The following SSBP3 variants were observed in gnomAD, a reference collection of about 807,000 sequenced individuals.
SSBP3 encodes the protein single-stranded DNA-binding protein 3.
Under a neutral mutation model 69.6 loss-of-function variants are expected in SSBP3, and 5 were observed. The observed-to-expected ratio is 0.07, with a 90% CI of 0.04 to 0.15. The LOEUF is 0.15. Among genes scored for constraint, SSBP3 ranks in the 10% least tolerant of loss-of-function variants. The pLI is 1.00. For synonymous variants in SSBP3, 196 were observed against 193.4 expected (o/e 1.01, Z -0.11); for missense variants, 312 against 534.0 (o/e 0.58, Z 4.10).
chr1:54,251,213 C>T (rs919354344), intron 9 of SSBP3, among the ~76,000 whole-genome samples: 1 of 152,202 alleles, frequency 6.6e-6, no homozygotes, highest in African/African-American at 2.4e-5. Context: ...TCATCTGCGC[C>T]GCCTCTGGGA....
intron 4 of SSBP3, among the ~76,000 whole-genome samples, chr1:54,310,406 G>T (rs1417556751): frequency 1.3e-5 from 2 of 152,108 alleles, no homozygotes; most frequent in African/African-American, 4.8e-5. Context: ...ACTGGGGGGT[G>T]GGCTGGGGGA....
chr1:54,272,472 A>G, intron 5 of SSBP3, among the ~76,000 whole-genome samples: 1 of 149,148 alleles, frequency 6.7e-6, no homozygotes, highest in Non-Finnish European at 1.5e-5. Flanking sequence ...AGGGCTAAGG[A>G]ATTTGACCTT....
At chr1:54,378,271 C>A (rs1485955524) in intron 4 of SSBP3, among the ~76,000 whole-genome samples, 2 of 152,200 alleles carry the variant, frequency 1.3e-5, no homozygotes, top group Non-Finnish European at 2.9e-5. Flanking sequence ...TTTTGTTTAA[C>A]CCCCTAGTTA....
intron 4 of SSBP3, among the ~76,000 whole-genome samples, chr1:54,344,835 G>A (rs1646662890): frequency 6.6e-6 from 1 of 152,140 alleles, no homozygotes; most frequent in Non-Finnish European, 1.5e-5. Flanking sequence ...AATACAGCAA[G>A]ACATTGTCTC....
chr1:54,328,771 C>A (rs1348373557), intron 4 of SSBP3, among the ~76,000 whole-genome samples: 4 of 152,200 alleles, frequency 2.6e-5, no homozygotes, highest in Non-Finnish European at 5.9e-5. Context: ...TACCTGTAAC[C>A]CAATACCTAC....
Position 54,241,397 on chromosome 1 carries a change from G to C in SSBP3, c.801+77C>G. 3.4e-6 allele frequency: 5 copies of C among 1,489,756 alleles called. No individual in the cohort carries two copies. The South Asian group carries it at 5.7e-5, about 17-fold the overall frequency. 92.3% of individuals were successfully genotyped at this position (1,489,756 alleles called of 1,614,324 possible). ...AAGAATGTGTGAAAGGGAAAGAAAC[G>C]GGGACCCCAGACCAGTTCTCTTGCA... On this transcript the variant is annotated intron_variant, in intron 12 of 17. Coordinates refer to ENST00000610401, the Ensembl canonical transcript of SSBP3.
chr1:54,233,862 A>G (rs968245631), intron 14 of SSBP3, among the ~76,000 whole-genome samples: 1 of 152,246 alleles, frequency 6.6e-6, no homozygotes, highest in Admixed American at 6.5e-5. Flanking sequence ...CCAACAGCTC[A>G]CTGAGAACGG....
chr1:54,329,120 C>A (rs1254629341), intron 4 of SSBP3, among the ~76,000 whole-genome samples: 1 of 152,152 alleles, frequency 6.6e-6, no homozygotes, highest in Non-Finnish European at 1.5e-5. Flanking sequence ...TCCTGGACTT[C>A]TGGAAGGAAG....
At chr1:54,378,368 T>TA (rs1481600098) in intron 4 of SSBP3, among the ~76,000 whole-genome samples, 1 of 152,220 alleles carries the variant, frequency 6.6e-6, no homozygotes, top group African/African-American at 2.4e-5. Flanking sequence ...GGGGCTCTGT[T>TA]ACAGTTTGCG....
chr1:54,368,473 T>A (rs1647065165), intron 4 of SSBP3, among the ~76,000 whole-genome samples: 1 of 148,614 alleles, frequency 6.7e-6, no homozygotes, highest in African/African-American at 2.6e-5. Context: ...GTTCCCCACA[T>A]TTAGGGAAAA....
At position 54,327,023 on chromosome 1, in the gene SSBP3, C is replaced by T. The variant is rs114645471; in HGVS notation, c.277-45496G>A. ...TTCTGGGGATTTCAAGGACAGGCAACGCCAGGGCAGAGCCGGGCCTCCTGG... is the reference window on the plus strand; with the variant it reads ...TTCTGGGGATTTCAAGGACAGGCAATGCCAGGGCAGAGCCGGGCCTCCTGG... On this transcript the variant is annotated intron_variant, in intron 4 of 17. Transcript: ENST00000610401. Among the ~76,000 whole-genome samples, 1,493 of 152,016 alleles carry T rather than the reference C, an allele frequency of 9.8e-3. 28 individuals are homozygous for T. Among genetic ancestry groups the T allele is most frequent in the African/African-American group, 0.034 (1,422 of 41,438 alleles).
intron 4 of SSBP3, among the ~76,000 whole-genome samples, chr1:54,290,885 G>C (rs1186701342): frequency 6.6e-6 from 1 of 152,196 alleles, no homozygotes. Context: ...TCTTCTTAAA[G>C]AGAAATGAGC....
intron 4 of SSBP3, among the ~76,000 whole-genome samples, chr1:54,344,418 T>C (rs537176221): frequency 2.6e-5 from 4 of 152,292 alleles, no homozygotes; most frequent in African/African-American, 9.6e-5. Flanking sequence ...AAGCCCCCTT[T>C]TGAGAATGAA....
At chr1:54,247,970 C>T (rs1422802232) in intron 9 of SSBP3, among the ~76,000 whole-genome samples, 1 of 152,246 alleles carries the variant, frequency 6.6e-6, no homozygotes, top group Non-Finnish European at 1.5e-5. Flanking sequence ...GTCTGAAGCA[C>T]TGATGACAAA....
intron 4 of SSBP3, among the ~76,000 whole-genome samples, chr1:54,399,348 TCTAA>T (rs1386398760): frequency 6.6e-6 from 1 of 152,206 alleles, no homozygotes; most frequent in Non-Finnish European, 1.5e-5. Context: ...GTGTGTGCAT[TCTAA>T]CTACCACTTC....
intron 11 of SSBP3, 72 bp from the exon 12 acceptor site, chr1:54,241,581 A>G: frequency 6.7e-7 from 1 of 1,499,468 alleles, no homozygotes; most frequent in Admixed American, 1.7e-5. Context: ...CTCCCTGAGG[A>G]CACGACCCAC....
intron 5 of SSBP3, among the ~76,000 whole-genome samples, chr1:54,269,262 G>A (rs1252916396): frequency 6.6e-6 from 1 of 152,164 alleles, no homozygotes; most frequent in Non-Finnish European, 1.5e-5. Context: ...AATGCTGGGT[G>A]CTCTTCAGCA....
chr1:54,257,109 C>T lies in SSBP3; in HGVS notation c.507+18G>A. On this transcript the variant is annotated intron_variant, in intron 7 of 17. Coordinates refer to ENST00000610401, the Ensembl canonical transcript of SSBP3. ...GATGGCTGAGGGAGGGGAGAGAGAA[C>T]ATGAAAAGGTACAGTACCTGGTTTC... 4 of 1,595,906 alleles carry T rather than the reference C, an allele frequency of 2.5e-6. No individual in the cohort carries two copies. The highest frequency in any genetic ancestry group is 3.4e-6 in the Non-Finnish European group (4 of 1,173,532).
chr1:54,270,013 C>T (rs1252310889), intron 5 of SSBP3, among the ~76,000 whole-genome samples: 3 of 152,210 alleles, frequency 2.0e-5, no homozygotes, highest in Admixed American at 1.3e-4. Context: ...GGCAGAAAGC[C>T]GTGGCTTATG....
Sources: gnomAD v4.1 joint callset for allele counts (sites outside exome capture counted in the v4.1 genomes callset) on GRCh38, gnomAD v4.1.1 for gene constraint, MANE v1.5 for transcripts, NCBI Gene and HGNC (gene_info 2026-07-23, HGNC 2026-07-21) for gene names.